NBEA: variants seen among roughly 807,000 people sequenced by gnomAD.
NBEA encodes neurobeachin, also known as lysosomal-trafficking regulator 2.
Under a neutral mutation model 343.4 loss-of-function variants are expected in NBEA, and 44 were observed. The observed-to-expected ratio is 0.13, with a 90% CI of 0.10 to 0.16. NBEA has a LOEUF of 0.16. Among genes scored for constraint, NBEA ranks in the 10% least tolerant of loss-of-function variants. NBEA has a pLI of 1.00. For synonymous variants in NBEA, 1,175 were observed against 1,238.7 expected, an observed-to-expected ratio of 0.95 and a Z score of 1.08; for missense variants, 2,555 against 3,631.3, an observed-to-expected ratio of 0.70 and a Z score of 7.62.
intron 43 of NBEA, among the ~76,000 whole-genome samples, chr13:35,552,002 T>C (rs896276895): frequency 6.6e-6 from 1 of 152,176 alleles, no homozygotes; most frequent in East Asian, 1.9e-4. Context: ...CCCTAGGTTT[T>C]ATGGAAAAAG....
chr13:35,053,008 A>C lies in NBEA; in HGVS notation c.972+2613A>C, dbSNP rs112762832. Reference sequence around the variant, plus strand: ...GTTAACACTTCCTATCAGTTCTGTTAGTTAATTCCCATCCTCATTTTAAAA... The same window carrying C: ...GTTAACACTTCCTATCAGTTCTGTTCGTTAATTCCCATCCTCATTTTAAAA... On this transcript the variant is annotated intron_variant, in intron 6 of 58. Coordinates refer to ENST00000379939, the MANE Select transcript of NBEA (RefSeq NM_001385012.1). Among the ~76,000 whole-genome samples, 1,167 of 152,162 alleles carry C rather than the reference A, an allele frequency of 7.7e-3. 17 individuals carry two copies. The highest frequency in any genetic ancestry group is 0.026 in the African/African-American group (1,098 of 41,530).
At chr13:35,406,768 T>C (rs1326180970) in intron 38 of NBEA, among the ~76,000 whole-genome samples, 1 of 152,150 alleles carries the variant, frequency 6.6e-6, no homozygotes, top group Non-Finnish European at 1.5e-5. Context: ...CTGCTCTGTC[T>C]GAACACTCAA....
At chr13:35,499,559 T>C (rs1297149080) in intron 41 of NBEA, among the ~76,000 whole-genome samples, 1 of 152,118 alleles carries the variant, frequency 6.6e-6, no homozygotes, top group Non-Finnish European at 1.5e-5. Context: ...ATTTTTTGTT[T>C]GCTACCCTTA....
chr13:35,225,596 C>T (rs1485287423), intron 33 of NBEA, among the ~76,000 whole-genome samples: 1 of 152,134 alleles, frequency 6.6e-6, no homozygotes, highest in Non-Finnish European at 1.5e-5. Flanking sequence ...AGAGGCTGGG[C>T]ATCGTTGCAA....
intron 38 of NBEA, among the ~76,000 whole-genome samples, chr13:35,401,852 G>A (rs1594493075): frequency 6.6e-6 from 1 of 152,074 alleles, no homozygotes; most frequent in South Asian, 2.1e-4. Context: ...TGTGTGCTGA[G>A]TTTTCTAGTC....
intron 1 of NBEA, among the ~76,000 whole-genome samples, chr13:34,980,884 G>C (rs2060334319): frequency 6.6e-6 from 1 of 151,918 alleles, no homozygotes; most frequent in South Asian, 2.1e-4. Context: ...CCTTTTATTA[G>C]TATGATAATA....
chr13:35,098,469 ATT>A, intron 11 of NBEA, 64 bp downstream of exon 11: 1 of 1,196,382 alleles, frequency 8.4e-7, no homozygotes, highest in Non-Finnish European at 1.2e-6. Flanking sequence ...TTAATCACTA[ATT>A]TTTTTTTCTG....
chr13:35,501,142 G>C (rs989186231), intron 41 of NBEA, among the ~76,000 whole-genome samples: 10 of 151,962 alleles, frequency 6.6e-5, no homozygotes, highest in Admixed American at 1.3e-4. Context: ...CCATTAATAG[G>C]TACTTTAGTA....
At chr13:35,034,241 A>G (rs1354332022) in intron 1 of NBEA, among the ~76,000 whole-genome samples, 1 of 151,916 alleles carries the variant, frequency 6.6e-6, no homozygotes. Context: ...AATTTTATCA[A>G]ATGCTTCTTT....
At chr13:34,962,594 G>T (rs548802424) in intron 1 of NBEA, among the ~76,000 whole-genome samples, 1 of 152,130 alleles carries the variant, frequency 6.6e-6, no homozygotes, top group South Asian at 2.1e-4. Context: ...GTTGGAGTTT[G>T]TTTTAAGTAC....
intron 47 of NBEA, among the ~76,000 whole-genome samples, chr13:35,601,191 A>G (rs1257361810): frequency 6.6e-6 from 1 of 152,062 alleles, no homozygotes; most frequent in Non-Finnish European, 1.5e-5. Context: ...AAAAAAAAAA[A>G]AAAGAAACAC....
intron 7 of NBEA, among the ~76,000 whole-genome samples, chr13:35,058,158 G>C (rs2063337262): frequency 6.6e-6 from 1 of 152,022 alleles, no homozygotes; most frequent in South Asian, 2.1e-4. Flanking sequence ...TTAAGCAGCA[G>C]ATCTTAGTCT....
chr13:35,126,614 A>C (rs1025097920), intron 17 of NBEA, among the ~76,000 whole-genome samples: 2 of 152,112 alleles, frequency 1.3e-5, no homozygotes, highest in Admixed American at 6.5e-5. Flanking sequence ...GGAGAAAAAC[A>C]AATTACCATA....
At chr13:35,171,824 A>G (rs1046683445) in intron 26 of NBEA, among the ~76,000 whole-genome samples, 7 of 152,054 alleles carry the variant, frequency 4.6e-5, no homozygotes, top group African/African-American at 1.7e-4. Flanking sequence ...TGGCCTCACA[A>G]ACATGTCAGA....
intron 17 of NBEA, among the ~76,000 whole-genome samples, chr13:35,125,582 A>C (rs1216642160): frequency 1.3e-5 from 2 of 152,180 alleles, no homozygotes; most frequent in Non-Finnish European, 2.9e-5. Flanking sequence ...TTGTGAAAGC[A>C]AAAGGTTACC....
intron 10 of NBEA, among the ~76,000 whole-genome samples, chr13:35,075,370 TA>T (rs1322419114): frequency 6.6e-6 from 1 of 152,172 alleles, no homozygotes; most frequent in Admixed American, 6.6e-5. Context: ...TGCAACTTTT[TA>T]ATTATTAAAA....
In NBEA at chr13:35,671,050, G is replaced by A. The variant is rs1345534533; in HGVS notation, c.*59G>A. 18 of 1,269,402 alleles carry A rather than the reference G, an allele frequency of 1.4e-5. No homozygotes were observed. Among genetic ancestry groups the A allele is most frequent in the Non-Finnish European group, 1.7e-5 (15 of 899,764 alleles). 78.6% of individuals were successfully genotyped at this position (1,269,402 alleles called of 1,614,324 possible). On this transcript the variant is annotated 3_prime_UTR_variant, in exon 59 of 59. Transcript: ENST00000379939. ...TGAGAGCACAAGTGCTGCATGGAAA[G>A]GCAATATCTCTGGTGGAAAAAACTC...
At chr13:35,632,365 G>C (rs538728190) in intron 49 of NBEA, among the ~76,000 whole-genome samples, 1 of 152,180 alleles carries the variant, frequency 6.6e-6, no homozygotes, top group South Asian at 2.1e-4. Flanking sequence ...GAACTTGCTA[G>C]AACTTCAGCC....
intron 1 of NBEA, among the ~76,000 whole-genome samples, chr13:35,008,941 T>G (rs2061400980): frequency 6.6e-6 from 1 of 152,224 alleles, no homozygotes. Context: ...ACTGTTGTTT[T>G]TACAGTGGGC....
Sources: allele counts gnomAD v4.1 joint callset (sites outside exome capture counted in the v4.1 genomes callset), GRCh38; gene constraint gnomAD v4.1.1; transcripts MANE v1.5; gene names NCBI Gene and HGNC (gene_info 2026-07-23, HGNC 2026-07-21).